The following SPHK2 variants were observed in gnomAD, a reference collection of about 807,000 sequenced individuals.
SPHK2 encodes the protein sphingosine kinase 2.
SPHK2 carries 18 observed loss-of-function variants against 32.3 expected under a neutral mutation model. The ratio of observed to expected loss-of-function variants is 0.56; its 90% CI spans 0.39 to 0.83. SPHK2 has a LOEUF of 0.83. SPHK2 is among the 40% of genes least tolerant of loss of function. The pLI is 0.00. For missense variants in SPHK2, 850 were observed against 908.7 expected (o/e 0.94, Z 0.83); for synonymous variants, 462 against 417.6 (o/e 1.11, Z -1.30).
chr19:48,629,581 C>T lies in SPHK2; in HGVS notation c.1773C>T (p.Ser591=), dbSNP rs1389973452. 3 of 1,599,284 alleles carry T rather than the reference C, an allele frequency of 1.9e-6. No individual in the cohort carries two copies. The East Asian group carries it at 6.8e-5, about 36-fold the overall frequency. The change falls in exon 7 of 7, where the codon AGC becomes AGT. Residue 591 remains serine, a synonymous_variant. Transcript: ENST00000245222. ...LRLFLAMERG[S]HFSLGCPQLG... is the part of the protein sequence containing the mutation. ...TTTTCTTGGCCATGGAGCGTGGTAGCCACTTCAGCCTGGGCTGTCCGCAGC... is the reference window on the plus strand; with the variant it reads ...TTTTCTTGGCCATGGAGCGTGGTAGTCACTTCAGCCTGGGCTGTCCGCAGC...
intron 2 of SPHK2, among the ~76,000 whole-genome samples, chr19:48,622,759 T>C (rs866846813): frequency 1.1e-3 from 153 of 133,082 alleles, no homozygotes; most frequent in Non-Finnish European, 2.0e-3. Flanking sequence ...TTGTCTCTCT[T>C]TTTTTTTTTT....
Position 48,630,329 on chromosome 19 carries a change from A to C in SPHK2, c.*556A>C. The stretch of plus-strand genomic sequence containing the variant: ...GAAATTCATATCCCCTGTTCGTCTC[A>C]TGCGCGTCCTCCGTCCCCAATCTAA... On this transcript the variant is annotated 3_prime_UTR_variant, in exon 7 of 7. Coordinates refer to ENST00000245222, the MANE Select transcript of SPHK2 (RefSeq NM_020126.5). This position sits in a 1 kb window ranked among gnomAD's most constrained non-coding sequence, Gnocchi z 4.9. The C allele has an allele frequency of 1.5e-6, 2 of 1,308,894 alleles. No individual in the cohort carries two copies. Among genetic ancestry groups the C allele is most frequent in the South Asian group, 2.3e-5 (1 of 43,186 alleles). The allele number at this position is 1,308,894 out of a possible 1,614,324, so 81.1% of individuals were successfully genotyped here.
chr19:48,624,218 C>G (rs1974516102), intron 2 of SPHK2: 1 of 152,240 alleles, frequency 6.6e-6, no homozygotes, highest in Non-Finnish European at 1.5e-5. Flanking sequence ...TCCCGAAGCG[C>G]GAGGCCCCGC....
At chr19:48,624,829 A>C in intron 2 of SPHK2, 10 of 838,164 alleles carry the variant, frequency 1.2e-5, no homozygotes, top group Non-Finnish European at 1.4e-5. Flanking sequence ...GCCGCTGGGG[A>C]TAGGGGGGCA....
chr19:48,628,569 G>A lies in SPHK2; in HGVS notation c.873-112G>A. On this transcript the variant is annotated intron_variant, in intron 6 of 6. Transcript: ENST00000245222. The surrounding 1 kb of genome is among the most constrained non-coding windows in gnomAD (Gnocchi z 5.2). ...GGAGGTGGCCCCACGGCTGTGGTGGGCCTGGGCCATGGCCTTCGTGGTCTC... is the reference window on the plus strand; with the variant it reads ...GGAGGTGGCCCCACGGCTGTGGTGGACCTGGGCCATGGCCTTCGTGGTCTC... 1.5e-6 allele frequency: 2 copies of A among 1,371,158 alleles called. No individual in the cohort carries two copies. The highest frequency in any genetic ancestry group is 2.4e-5 in the South Asian group (2 of 84,716). The allele number at this position is 1,371,158 out of a possible 1,614,324, so 84.9% of individuals were successfully genotyped here.
Position 48,627,760 on chromosome 19 carries a change from G to C in SPHK2, c.580G>C (p.Gly194Arg). Residue 194 changes from glycine to arginine, a missense_variant, in exon 4 of 7, where the codon GGC (glycine) becomes CGC (arginine). By Grantham distance (125) the Gly-to-Arg change is moderately radical. Around this residue, in one of 2 missense-constraint regions of SPHK2, gnomAD observed 544 missense variants for 640.0 expected, o/e 0.85. Transcript: ENST00000245222. ...ATTGGTCAATCCCTTTGGGGGTCGG[G>C]GCCTGGCCTGGCAGTGGTGTAAGAA... ...LLLVNPFGGR[G>R]LAWQWCKNHV... The C allele has an allele frequency of 6.2e-7, 1 of 1,613,912 alleles. No individual in the cohort carries two copies. The highest frequency in any genetic ancestry group is 8.5e-7 in the Non-Finnish European group (1 of 1,179,916).
At position 48,627,672 on chromosome 19, in the gene SPHK2, A is replaced by G; in HGVS notation, c.512-20A>G. On this transcript the variant is annotated intron_variant, in intron 3 of 6. Transcript: ENST00000245222. ...GGGCCTGGGTCACTGGCCTCTGCAG[A>G]CCCTAACCTCTCTCCACAGAGATCA... 6.4e-7 allele frequency: 1 copy of G among 1,551,506 alleles called. No individual in the cohort carries two copies. The highest frequency in any genetic ancestry group is 2.3e-5 in the East Asian group (1 of 44,030).
chr19:48,630,314 T>A lies in SPHK2; in HGVS notation c.*541T>A. 2.3e-6 allele frequency: 3 copies of A among 1,292,456 alleles called. No individual in the cohort carries two copies. The highest frequency in any genetic ancestry group is 2.9e-6 in the Non-Finnish European group (3 of 1,020,924). The allele number at this position is 1,292,456 out of a possible 1,614,324, so 80.1% of individuals were successfully genotyped here. ...GCGGGTGGGGGCGGGGAAATTCATA[T>A]CCCCTGTTCGTCTCATGCGCGTCCT... On this transcript the variant is annotated 3_prime_UTR_variant, in exon 7 of 7. Transcript: ENST00000245222. The surrounding 1 kb of genome is among the most constrained non-coding windows in gnomAD (Gnocchi z 4.9).
chr19:48,620,244 C>A (rs1196516522), intron 1 of SPHK2, 158 bp from the exon 2 acceptor site: 2 of 458,050 alleles, frequency 4.4e-6, no homozygotes, highest in African/African-American at 2.0e-5. Flanking sequence ...TGTGTGCAAC[C>A]AGATGGACTG....
rs890327012 is a variant in SPHK2 at position 48,629,668 on chromosome 19, A to G, written c.1860A>G (p.Thr620=). The G allele has an allele frequency of 6.2e-7, 1 of 1,607,124 alleles. No homozygotes were observed. Among genetic ancestry groups the G allele is most frequent in the Non-Finnish European group, 8.5e-7 (1 of 1,177,510 alleles). ...LEPLTPRGVL[T]VDGEQVEYGP... ...CGCTCACACCACGCGGCGTGCTCAC[A>G]GTGGACGGGGAGCAGGTGGAGTATG... is the stretch of plus-strand genomic sequence containing the variant. The change falls in exon 7 of 7, where the codon ACA becomes ACG. Residue 620 remains threonine, a synonymous_variant. Coordinates refer to ENST00000245222, the MANE Select transcript of SPHK2 (RefSeq NM_020126.5).
At chr19:48,622,777 T>G (rs1028768189) in intron 2 of SPHK2, among the ~76,000 whole-genome samples, 3 of 145,844 alleles carry the variant, frequency 2.1e-5, no homozygotes, top group African/African-American at 7.5e-5. Flanking sequence ...TTTTTTTTTT[T>G]TTTTTTGAGA....
At position 48,627,726 on chromosome 19, in the gene SPHK2, G is replaced by A. The variant is rs371314129; in HGVS notation, c.546G>A (p.Arg182=). The A allele has an allele frequency of 4.9e-5, 79 of 1,611,522 alleles. No individual in the cohort carries two copies. Among genetic ancestry groups the A allele is most frequent in the Non-Finnish European group, 6.5e-5 (77 of 1,178,688 alleles). Residue 182 remains arginine, a synonymous_variant, in exon 4 of 7, where the codon CGG becomes CGA. Coordinates refer to ENST00000245222, the MANE Select transcript of SPHK2 (RefSeq NM_020126.5). The part of the protein sequence containing the change: ...ITPDLLPRPP[R]LLLLVNPFGG... ...CTGACCTGCTACCTCGGCCGCCCCGGTTGCTTCTATTGGTCAATCCCTTTG... is the reference window on the plus strand; with the variant it reads ...CTGACCTGCTACCTCGGCCGCCCCGATTGCTTCTATTGGTCAATCCCTTTG...
rs1249559952 is a variant in SPHK2 at position 48,630,257 on chromosome 19, G to C, written c.*484G>C. Reference sequence around the variant, plus strand: ...AGGAGGGGCAGGTTCCCCGGGGCCGGCGCTAGGATTTGCACTAATGTTCCT... The same window carrying C: ...AGGAGGGGCAGGTTCCCCGGGGCCGCCGCTAGGATTTGCACTAATGTTCCT... On this transcript the variant is annotated 3_prime_UTR_variant, in exon 7 of 7. Coordinates refer to ENST00000245222, the MANE Select transcript of SPHK2 (RefSeq NM_020126.5). The surrounding 1 kb of genome is among the most constrained non-coding windows in gnomAD (Gnocchi z 4.9). 4 of 1,283,078 alleles carry C rather than the reference G, an allele frequency of 3.1e-6. No homozygotes were observed. Among genetic ancestry groups the C allele is most frequent in the African/African-American group, 1.5e-5 (1 of 64,956 alleles). The allele number at this position is 1,283,078 out of a possible 1,614,324, so 79.5% of individuals were successfully genotyped here.
At position 48,625,888 on chromosome 19, in the gene SPHK2, C is replaced by T. The variant is rs776452857; in HGVS notation, c.40-3C>T. 6.2e-7 allele frequency: 1 copy of T among 1,611,448 alleles called. No individual in the cohort carries two copies. The highest frequency in any genetic ancestry group is 2.2e-5 in the East Asian group (1 of 44,868). ...TCACCCCTTCTCTCCTCCCTTCCCA[C>T]AGAGGCCAGACCAGGAGCTGACCGG... is the stretch of plus-strand genomic sequence containing the variant. On this transcript the variant is annotated splice_polypyrimidine_tract_variant and splice_region_variant and intron_variant, in intron 2 of 6. Transcript: ENST00000245222.
chr19:48,620,492 G>T lies in SPHK2; in HGVS notation c.-23G>T. The T allele has an allele frequency of 6.2e-7, 1 of 1,611,692 alleles. No homozygotes were observed. Among genetic ancestry groups the T allele is most frequent in the Non-Finnish European group, 8.5e-7 (1 of 1,178,592 alleles). ...GACCCAGGGCCAGGGTCCCGTTGAT[G>T]TAACAGAGCAGAGGACCAGCAGATG... On this transcript the variant is annotated 5_prime_UTR_variant, in exon 2 of 7. It removes an upstream start codon present in the reference 5' UTR. Coordinates refer to ENST00000245222, the MANE Select transcript of SPHK2 (RefSeq NM_020126.5).
At position 48,630,286 on chromosome 19, in the gene SPHK2, C is replaced by T. The variant is rs1394891873; in HGVS notation, c.*513C>T. On this transcript the variant is annotated 3_prime_UTR_variant, in exon 7 of 7. Coordinates refer to ENST00000245222, the MANE Select transcript of SPHK2 (RefSeq NM_020126.5). This position sits in a 1 kb window ranked among gnomAD's most constrained non-coding sequence, Gnocchi z 4.9. ...TAGGATTTGCACTAATGTTCCTCTC[C>T]CCGCGGGTGGGGGCGGGGAAATTCA... 1 of 1,290,876 alleles carries T rather than the reference C, an allele frequency of 7.7e-7. No homozygotes were observed. 80.0% of individuals were successfully genotyped at this position (1,290,876 alleles called of 1,614,324 possible).
At chr19:48,625,702 C>T (rs115804694) in intron 2 of SPHK2, 189 bp from the exon 3 acceptor site, 1 of 1,535,054 alleles carries the variant, frequency 6.5e-7, no homozygotes, top group African/African-American at 1.4e-5. Context: ...CTCCGGCCCC[C>T]TCTGGGATGC....
rs200771360 is a variant in SPHK2, at chr19:48,626,361, G to T, written c.510G>T (p.Gly170=). 3,463 of 1,577,038 alleles carry T rather than the reference G, an allele frequency of 2.2e-3. 1 individual carries two copies. Among genetic ancestry groups the T allele is most frequent in the Non-Finnish European group, 2.5e-3 (2,975 of 1,170,802 alleles). ...GAGGACTGCCACTGCCCGGGGATGGGGGTGAGGTGCTGGGCAGCTGCTCTA... is the reference window on the plus strand; with the variant it reads ...GAGGACTGCCACTGCCCGGGGATGGTGGTGAGGTGCTGGGCAGCTGCTCTA... ...LLRGLPLPGD[G]EITPDLLPRP... The change falls in exon 3 of 7, where the codon GGG becomes GGT. Residue 170 remains glycine, a splice_region_variant and synonymous_variant. Coordinates refer to ENST00000245222, the MANE Select transcript of SPHK2 (RefSeq NM_020126.5).
intron 1 of SPHK2, 33 bp downstream of exon 1, chr19:48,619,576 G>GAC: frequency 5.0e-6 from 1 of 200,586 alleles, no homozygotes; most frequent in Admixed American, 5.5e-5. Flanking sequence ...GCTAGTCGGG[G>GAC]CATCTGGAAA....
Sources: gnomAD v4.1 joint callset for allele counts (sites outside exome capture counted in the v4.1 genomes callset) on GRCh38, gnomAD v4.1.1 for gene constraint, gnomAD v4.1.1 regional missense constraint, Gnocchi (gnomAD v3.1) non-coding constraint, MANE v1.5 for transcripts, NCBI Gene and HGNC (gene_info 2026-07-23, HGNC 2026-07-21) for gene names.